Variants in NCEH1 observed in about 807,000 individuals in gnomAD.
NCEH1 encodes neutral cholesterol ester hydrolase 1.
A neutral mutation model predicts 25.4 loss-of-function variants in NCEH1; 9 were observed. The ratio of observed to expected loss-of-function variants is 0.35; its 90% CI spans 0.21 to 0.62. The LOEUF (loss-of-function observed/expected upper bound fraction) is 0.62, where lower values mean the gene tolerates loss of function less well. Ranked by LOEUF, NCEH1 falls within the 20% of genes least tolerant of loss-of-function variation. NCEH1 has a pLI of 0.72. For missense variants in NCEH1, 412 were observed against 501.1 expected (o/e 0.82, Z 1.70); for synonymous variants, 200 against 199.8 (o/e 1.00, Z -0.01).
intron 1 of NCEH1, among the ~76,000 whole-genome samples, chr3:172,662,419 C>T (rs1323108535): frequency 6.6e-6 from 1 of 152,160 alleles, no homozygotes; most frequent in Non-Finnish European, 1.5e-5. Flanking sequence ...GGACATTGGC[C>T]TAAAATTCTC....
chr3:172,653,251 G>A (rs925681624), intron 1 of NCEH1, among the ~76,000 whole-genome samples: 2 of 152,090 alleles, frequency 1.3e-5, no homozygotes, highest in Non-Finnish European at 2.9e-5. Context: ...AATCCGGTGG[G>A]GCACTGGCTC....
At chr3:172,653,727 G>T (rs1490479934) in intron 1 of NCEH1, among the ~76,000 whole-genome samples, 3 of 93,656 alleles carry the variant, frequency 3.2e-5, no homozygotes, top group Non-Finnish European at 6.7e-5. Context: ...TGTTGTTGTT[G>T]TTGTTCTGTT....
chr3:172,633,373 A>C lies in NCEH1; in HGVS notation c.*102T>G. 2.8e-6 allele frequency: 3 copies of C among 1,080,590 alleles called. No homozygotes were observed. The highest frequency in any genetic ancestry group is 4.1e-6 in the Non-Finnish European group (3 of 738,560). The allele number at this position is 1,080,590 out of a possible 1,614,324, so 66.9% of individuals were successfully genotyped here. ...TAGAAATTCCATAACTCGCAAGTAG[A>C]GGGGAATGGGAGGAAGAATTAGTCA... On this transcript the variant is annotated 3_prime_UTR_variant, in exon 5 of 5. Transcript: ENST00000475381.
intron 1 of NCEH1, among the ~76,000 whole-genome samples, chr3:172,664,102 G>T (rs1718092405): frequency 6.6e-6 from 1 of 152,178 alleles, no homozygotes; most frequent in Non-Finnish European, 1.5e-5. Flanking sequence ...GGTACCAGTT[G>T]TTCCTTTCCA....
At chr3:172,691,424 T>C (rs1028437937) in intron 1 of NCEH1, among the ~76,000 whole-genome samples, 1 of 152,280 alleles carries the variant, frequency 6.6e-6, no homozygotes, top group African/African-American at 2.4e-5. Flanking sequence ...GTATTCAATA[T>C]AATTGTGAAT....
In NCEH1 at chr3:172,633,142, A is replaced by C; in HGVS notation, c.*333T>G. 1 of 258,150 alleles carries C rather than the reference A, an allele frequency of 3.9e-6. No homozygotes were observed. Among genetic ancestry groups the C allele is most frequent in the South Asian group, 5.8e-5 (1 of 17,224 alleles). The allele number at this position is 258,150 out of a possible 1,614,324, so 16.0% of individuals were successfully genotyped here. A position where few individuals can be genotyped will look rare whatever the true frequency, so the allele number is the denominator to read the frequency against. On this transcript the variant is annotated 3_prime_UTR_variant, in exon 5 of 5. Coordinates refer to ENST00000475381, the MANE Select transcript of NCEH1 (RefSeq NM_020792.6). Reference sequence around the variant, plus strand: ...CCAGAGCTGGAAGAACTGCTTCTAAAAAGAACGTCCTAATGAAGGCAGGAC... The same window carrying C: ...CCAGAGCTGGAAGAACTGCTTCTAACAAGAACGTCCTAATGAAGGCAGGAC...
At chr3:172,675,154 A>G in intron 1 of NCEH1, among the ~76,000 whole-genome samples, 1 of 152,098 alleles carries the variant, frequency 6.6e-6, no homozygotes, top group East Asian at 1.9e-4. Flanking sequence ...TACCAAAAAT[A>G]TAAAAGCTAG....
chr3:172,630,311 T>C lies in NCEH1; in HGVS notation c.*3164A>G, dbSNP rs1376381194. ...CAGTTTGAGAACCTGCCTTCAGTGA[T>C]AGTGATGCTTTGGCTGAAACAATTC... On this transcript the variant is annotated 3_prime_UTR_variant, in exon 5 of 5. Coordinates refer to ENST00000475381, the MANE Select transcript of NCEH1 (RefSeq NM_020792.6). 1 of 152,244 alleles carries C rather than the reference T, an allele frequency of 6.6e-6. No homozygotes were observed. Among genetic ancestry groups the C allele is most frequent in the African/African-American group, 2.4e-5 (1 of 41,472 alleles). The allele number at this position is 152,244 out of a possible 1,614,324, so 9.4% of individuals were successfully genotyped here.
intron 1 of NCEH1, among the ~76,000 whole-genome samples, chr3:172,684,896 G>C (rs1008094788): frequency 1.3e-5 from 2 of 152,070 alleles, no homozygotes; most frequent in Admixed American, 6.5e-5. Context: ...CAGGAGAACT[G>C]CAAGAGCCTG....
chr3:172,644,852 A>G (rs1433898232), intron 3 of NCEH1, among the ~76,000 whole-genome samples: 1 of 152,228 alleles, frequency 6.6e-6, no homozygotes, highest in Non-Finnish European at 1.5e-5. Context: ...AATAAACATA[A>G]TAAGTCAAAT....
At chr3:172,653,370 G>A (rs1717504125) in intron 1 of NCEH1, among the ~76,000 whole-genome samples, 1 of 152,168 alleles carries the variant, frequency 6.6e-6, no homozygotes. Flanking sequence ...GTTTATATAT[G>A]GGGTTGGTCT....
chr3:172,665,200 C>T (rs1718150140), intron 1 of NCEH1, among the ~76,000 whole-genome samples: 1 of 152,150 alleles, frequency 6.6e-6, no homozygotes, highest in Non-Finnish European at 1.5e-5. Flanking sequence ...TGTTAGTTTT[C>T]CTCCTAACAG....
intron 1 of NCEH1, among the ~76,000 whole-genome samples, chr3:172,690,015 T>G (rs946930956): frequency 6.6e-6 from 1 of 151,548 alleles, no homozygotes; most frequent in Non-Finnish European, 1.5e-5. Flanking sequence ...GCCATTCTCC[T>G]GCCTCAGCCT....
At chr3:172,709,405 A>G (rs1714180801) in intron 1 of NCEH1, among the ~76,000 whole-genome samples, 1 of 152,138 alleles carries the variant, frequency 6.6e-6, no homozygotes, top group Non-Finnish European at 1.5e-5. Flanking sequence ...ACATAATTTC[A>G]TGGGGGAGGA....
chr3:172,705,845 A>G (rs1167427980), intron 1 of NCEH1, among the ~76,000 whole-genome samples: 1 of 152,014 alleles, frequency 6.6e-6, no homozygotes, highest in African/African-American at 2.4e-5. Flanking sequence ...AAAAAATACA[A>G]CAATTAGCCA....
chr3:172,695,841 G>A (rs1713333053), intron 1 of NCEH1, among the ~76,000 whole-genome samples: 1 of 152,072 alleles, frequency 6.6e-6, no homozygotes, highest in Admixed American at 6.5e-5. Flanking sequence ...CTACTTGGGA[G>A]GCTGAGGCAG....
chr3:172,633,183 G>T lies in NCEH1; in HGVS notation c.*292C>A, dbSNP rs1217540571. 2.2e-5 allele frequency: 7 copies of T among 323,224 alleles called. No individual in the cohort carries two copies. The highest frequency in any genetic ancestry group is 8.6e-5 in the African/African-American group (4 of 46,576). The allele number at this position is 323,224 out of a possible 1,614,324, so 20.0% of individuals were successfully genotyped here. ...AAGGCAGGACCCAAAGTTATTTCCA[G>T]TTCCTAGTCCTGCTTTCTGTAGCTG... is the stretch of plus-strand genomic sequence containing the variant. On this transcript the variant is annotated 3_prime_UTR_variant, in exon 5 of 5. Transcript: ENST00000475381.
intron 1 of NCEH1, among the ~76,000 whole-genome samples, chr3:172,658,241 C>G (rs1049251172): frequency 6.6e-6 from 1 of 152,212 alleles, no homozygotes; most frequent in Admixed American, 6.5e-5. Context: ...GGAAGTTACC[C>G]TGTATAATCT....
intron 1 of NCEH1, among the ~76,000 whole-genome samples, chr3:172,657,506 A>T (rs6445072): frequency 0.48 from 72,355 of 151,974 alleles, 18,177 homozygotes; most frequent in African/African-American, 0.64. Context: ...TTTTCTGACC[A>T]AGTTCTACCC....
Sources: gnomAD v4.1 joint callset for allele counts (sites outside exome capture counted in the v4.1 genomes callset) on GRCh38, gnomAD v4.1.1 for gene constraint, MANE v1.5 for transcripts, NCBI Gene and HGNC (gene_info 2026-07-23, HGNC 2026-07-21) for gene names.